KRT23: variants seen among roughly 807,000 people sequenced by gnomAD.
KRT23 encodes the protein keratin 23.
Under a neutral mutation model 47.6 loss-of-function variants are expected in KRT23, and 38 were observed. That is an observed-to-expected ratio of 0.80 (90% confidence interval 0.62 to 1.05). The LOEUF (loss-of-function observed/expected upper bound fraction) is 1.05. KRT23 is among the 50% of genes least tolerant of loss of function. The pLI is 0.00. For missense variants in KRT23, 503 were observed against 529.5 expected, an observed-to-expected ratio of 0.95 and a Z score of 0.49; for synonymous variants, 191 against 199.0, an observed-to-expected ratio of 0.96 and a Z score of 0.34.
At chr17:40,929,670 A>G in intron 4 of KRT23, 1 of 383,838 alleles carries the variant, frequency 2.6e-6, no homozygotes, top group Non-Finnish European at 4.6e-6. Context: ...AACATTAACA[A>G]GCACATCTAG....
Position 40,931,368 on chromosome 17 carries a change from C to T in KRT23, c.479+5G>A. The T allele has an allele frequency of 1.9e-6, 3 of 1,603,512 alleles. No individual in the cohort carries two copies. Among genetic ancestry groups the T allele is most frequent in the Non-Finnish European group, 2.6e-6 (3 of 1,170,308 alleles). On this transcript the variant is annotated splice_donor_5th_base_variant and intron_variant, in intron 3 of 8. Coordinates refer to ENST00000209718, the MANE Select transcript of KRT23 (RefSeq NM_015515.5). ...CCCGAACAACCCTGTGAAGAAGGAA[C>T]TTACTTGAGGTTGAAGTCATCCACT...
intron 2 of KRT23, among the ~76,000 whole-genome samples, chr17:40,935,153 T>A (rs1909973803): frequency 6.6e-6 from 1 of 151,168 alleles, no homozygotes; most frequent in Non-Finnish European, 1.5e-5. Flanking sequence ...CACTATATAG[T>A]TAAGGTAATT....
At position 40,928,597 on chromosome 17, in the gene KRT23, T is replaced by C. The variant is rs774957347; in HGVS notation, c.647A>G (p.Lys216Arg). 3 of 1,611,780 alleles carry C rather than the reference T, an allele frequency of 1.9e-6. No homozygotes were observed. Among genetic ancestry groups the C allele is most frequent in the Admixed American group, 1.7e-5 (1 of 59,680 alleles). Residue 216 changes from lysine to arginine, a missense_variant, in exon 5 of 9, where the codon AAG becomes AGG. Coordinates refer to ENST00000209718, the MANE Select transcript of KRT23 (RefSeq NM_015515.5). ...MKKHHEQEME[K>R]HHVPSDFNVN... ...ATTGAAGTCACTTGGCACATGATGC[T>C]TCTCCATTTCCTATTTAATAACAGA...
intron 8 of KRT23, among the ~76,000 whole-genome samples, chr17:40,924,132 A>G (rs754919103): frequency 1.3e-5 from 2 of 152,214 alleles, no homozygotes; most frequent in Non-Finnish European, 2.9e-5. Context: ...ATCTCATGGA[A>G]CACGAGTGTT....
At chr17:40,927,617 C>T in intron 6 of KRT23, among the ~76,000 whole-genome samples, 1 of 116,750 alleles carries the variant, frequency 8.6e-6, no homozygotes, top group Admixed American at 9.9e-5. Flanking sequence ...ATTTTGAATG[C>T]TTATGACCAT....
In KRT23 at chr17:40,936,296, C is replaced by A; in HGVS notation, c.308G>T (p.Arg103Leu). 1 of 1,614,222 alleles carries A rather than the reference C, an allele frequency of 6.2e-7. No individual in the cohort carries two copies. The highest frequency in any genetic ancestry group is 8.5e-7 in the Non-Finnish European group (1 of 1,180,040). ...TCTCTGCTGGTGCCATTTCAGGATGCGGCTTTCCAGCTTCATGTTGGCCTC... is the reference window on the plus strand; with the variant it reads ...TCTCTGCTGGTGCCATTTCAGGATGAGGCTTTCCAGCTTCATGTTGGCCTC... ...LEEANMKLES[R>L]ILKWHQQRDP... The change falls in exon 2 of 9, where the codon CGC becomes CTC. Residue 103 changes from arginine (R) to leucine (L), a missense_variant. By Grantham distance (102) the Arg-to-Leu change is moderately radical (BLOSUM62 -2). Coordinates refer to ENST00000209718, the MANE Select transcript of KRT23 (RefSeq NM_015515.5).
Position 40,936,594 on chromosome 17 carries a change from C to A in KRT23, c.10G>T (p.Gly4Ter). 1 of 1,515,364 alleles carries A rather than the reference C, an allele frequency of 6.6e-7. No homozygotes were observed. Among genetic ancestry groups the A allele is most frequent in the Non-Finnish European group, 8.8e-7 (1 of 1,134,496 alleles). 93.9% of individuals were successfully genotyped at this position (1,515,364 alleles called of 1,614,324 possible). A position where few individuals can be genotyped will look rare whatever the true frequency, so the allele number is the denominator to read the frequency against. MNS[G>*]HSFSQTPSAS... ...GAGGGGGTCTGGCTGAAGCTGTGTC[C>A]GGAGTTCATGGTCCCATCTGTGTTT... The change falls in exon 2 of 9, where the codon GGA (glycine) becomes TGA (stop). Residue 4 changes from glycine (G) to a stop codon, truncating the protein, a stop_gained. Coordinates refer to ENST00000209718, the MANE Select transcript of KRT23 (RefSeq NM_015515.5). LOFTEE classifies it high-confidence loss of function.
At chr17:40,924,382 G>T in intron 8 of KRT23, 90 bp downstream of exon 8, 1 of 989,900 alleles carries the variant, frequency 1.0e-6, no homozygotes. Flanking sequence ...GGACATTTGG[G>T]AGTACATTAA....
At position 40,931,353 on chromosome 17, in the gene KRT23, C is replaced by G; in HGVS notation, c.479+20G>C. ...GCAAACAAACAAAAACCCGAACAAC[C>G]CTGTGAAGAAGGAACTTACTTGAGG... On this transcript the variant is annotated intron_variant, in intron 3 of 8. Coordinates refer to ENST00000209718, the MANE Select transcript of KRT23 (RefSeq NM_015515.5). 6.3e-7 allele frequency: 1 copy of G among 1,576,642 alleles called. No individual in the cohort carries two copies. The highest frequency in any genetic ancestry group is 8.7e-7 in the Non-Finnish European group (1 of 1,145,870).
Position 40,936,656 on chromosome 17 carries a change from G to T in KRT23, c.-53C>A. On this transcript the variant is annotated 5_prime_UTR_variant, in exon 2 of 9. Coordinates refer to ENST00000209718, the MANE Select transcript of KRT23 (RefSeq NM_015515.5). ...GAGCTCTGCTCCACTCCCTGGCACC[G>T]CAGAACTGAGCCGCCCCAGACTGCC... is the stretch of plus-strand genomic sequence containing the variant. 6.8e-7 allele frequency: 1 copy of T among 1,461,432 alleles called. No homozygotes were observed. The highest frequency in any genetic ancestry group is 9.0e-7 in the Non-Finnish European group (1 of 1,105,834). 90.5% of individuals were successfully genotyped at this position (1,461,432 alleles called of 1,614,324 possible).
At chr17:40,925,118 C>T in intron 7 of KRT23, 2 of 557,004 alleles carry the variant, frequency 3.6e-6, no homozygotes, top group Non-Finnish European at 3.2e-6. Flanking sequence ...GAATTGTTTC[C>T]TTCTAGAGAC....
intron 2 of KRT23, among the ~76,000 whole-genome samples, chr17:40,933,566 T>C (rs1909843318): frequency 6.6e-6 from 1 of 152,222 alleles, no homozygotes; most frequent in South Asian, 2.1e-4. Context: ...TCTATGGGCT[T>C]ATTTAGCTTT....
intron 4 of KRT23, among the ~76,000 whole-genome samples, chr17:40,929,204 C>G (rs1385783858): frequency 6.6e-6 from 1 of 151,362 alleles, no homozygotes; most frequent in Non-Finnish European, 1.5e-5. Flanking sequence ...AGCAGCTGAA[C>G]CTTACAGGCT....
Position 40,922,719 on chromosome 17 carries a change from G to T in KRT23, c.*270C>A. 3.2e-6 allele frequency: 1 copy of T among 311,760 alleles called. No individual in the cohort carries two copies. The highest frequency in any genetic ancestry group is 5.9e-6 in the Non-Finnish European group (1 of 169,886). The allele number at this position is 311,760 out of a possible 1,614,324, so 19.3% of individuals were successfully genotyped here. A position where few individuals can be genotyped will look rare whatever the true frequency, so the allele number is the denominator to read the frequency against. ...GATGCAGCTAGTGCGGAGTTTTATT[G>T]GCTACAAAATAGATGCAAAATGATG... On this transcript the variant is annotated 3_prime_UTR_variant, in exon 9 of 9. Transcript: ENST00000209718.
chr17:40,928,357 C>A lies in KRT23; in HGVS notation c.802G>T (p.Ala268Ser). The A allele has an allele frequency of 6.2e-7, 1 of 1,614,206 alleles. No individual in the cohort carries two copies. Among genetic ancestry groups the A allele is most frequent in the Non-Finnish European group, 8.5e-7 (1 of 1,180,046 alleles). ...CTGGCTGCCTCCTGGGACATGGCTG[C>A]AGACTGTGGGACCAAGCAAGGCAAA... ...DLDTWYKEQSAAMSQEAASPA... is the reference protein window; with the variant it reads ...DLDTWYKEQSSAMSQEAASPA... Residue 268 changes from alanine (A) to serine (S), a missense_variant, in exon 6 of 9, where the codon GCA becomes TCA. Physicochemically the swap from Ala to Ser is moderately conservative, Grantham distance 99. Coordinates refer to ENST00000209718, the MANE Select transcript of KRT23 (RefSeq NM_015515.5).
At chr17:40,929,813 G>T in intron 4 of KRT23, 127 bp downstream of exon 4, 1 of 708,272 alleles carries the variant, frequency 1.4e-6, no homozygotes, top group South Asian at 3.1e-5. Flanking sequence ...TTTTTCTAAA[G>T]ACTATTTAGG....
intron 2 of KRT23, among the ~76,000 whole-genome samples, chr17:40,933,588 T>C (rs1401920048): frequency 3.9e-5 from 6 of 152,332 alleles, no homozygotes; most frequent in Admixed American, 6.5e-5. Context: ...CTGGGTTAAA[T>C]TGGTAATTTA....
At chr17:40,926,805 A>C (rs60588359) in intron 6 of KRT23, among the ~76,000 whole-genome samples, 70,650 of 151,660 alleles carry the variant, frequency 0.47, 17,010 homozygotes, top group East Asian at 0.71. Context: ...TCCTCTTGAG[A>C]CCCCTCCAAG....
In KRT23 at chr17:40,925,450, C is replaced by T. The variant is rs200066086; in HGVS notation, c.1046G>A (p.Arg349Gln). ...CAGCACTTGGTATTCATTGTTCTGCCGCTCCAGTTCATGGCGTAGCTGCGT... is the reference window on the plus strand; with the variant it reads ...CAGCACTTGGTATTCATTGTTCTGCTGCTCCAGTTCATGGCGTAGCTGCGT... ...ELTQLRHELE[R>Q]QNNEYQVLLG... Residue 349 changes from arginine to glutamine, a missense_variant, in exon 7 of 9, where the codon CGG becomes CAG. By Grantham distance (43) the Arg-to-Gln change is conservative. Coordinates refer to ENST00000209718, the MANE Select transcript of KRT23 (RefSeq NM_015515.5). 39 of 1,614,092 alleles carry T rather than the reference C, an allele frequency of 2.4e-5. No homozygotes were observed. In the East Asian group the frequency reaches 4.2e-4, roughly 18 times the overall value.
Sources: allele counts gnomAD v4.1 joint callset (sites outside exome capture counted in the v4.1 genomes callset), GRCh38; gene constraint gnomAD v4.1.1; transcripts MANE v1.5; gene names NCBI Gene and HGNC (gene_info 2026-07-23, HGNC 2026-07-21).